TLE6: variants seen among roughly 807,000 people sequenced by gnomAD.
The protein encoded by TLE6 is TLE family member 6, subcortical maternal complex member.
Under a neutral mutation model 77.1 loss-of-function variants are expected in TLE6, and 72 were observed. The ratio of observed to expected loss-of-function variants is 0.93; its 90% CI spans 0.77 to 1.14. The LOEUF (loss-of-function observed/expected upper bound fraction) is 1.14, where lower values mean the gene tolerates loss of function less well. TLE6 is among the 50% of genes most tolerant of loss of function. The pLI is 0.00. For synonymous variants in TLE6, 366 were observed against 287.3 expected (o/e 1.27, Z -2.77); for missense variants, 843 against 747.6 (o/e 1.13, Z -1.49).
At chr19:2,992,275 C>G (rs868511607) in intron 14 of TLE6, among the ~76,000 whole-genome samples, 1 of 152,002 alleles carries the variant, frequency 6.6e-6, no homozygotes, top group African/African-American at 2.4e-5. Context: ...GAGTTCAAGA[C>G]GAGCCTGACC....
At chr19:2,985,965 T>G (rs2088899561) in intron 5 of TLE6, among the ~76,000 whole-genome samples, 1 of 147,048 alleles carries the variant, frequency 6.8e-6, no homozygotes, top group Non-Finnish European at 1.5e-5. Context: ...ATCCAGCTAC[T>G]TGGGAGGCTG....
Position 2,991,940 on chromosome 19 carries a change from C to CT in TLE6, c.1342_1343insT (p.Gln448LeufsTer94). On this transcript the variant is annotated frameshift_variant, in exon 14 of 17. Transcript: ENST00000246112. LOFTEE classifies it high-confidence loss of function. ...GGATGCCTGTCTGCGGTGCTGGGAC[C>CT]AGAGGACCATCATGAAACCTCTGGA... 1 of 1,613,890 alleles carries CT rather than the reference C, an allele frequency of 6.2e-7. No individual in the cohort carries two copies. Among genetic ancestry groups the CT allele is most frequent in the Non-Finnish European group, 8.5e-7 (1 of 1,180,004 alleles).
At position 2,978,286 on chromosome 19, in the gene TLE6, T is replaced by A; in HGVS notation, c.51+2T>A. On this transcript the variant is annotated splice_donor_variant, in intron 2 of 16. Coordinates refer to ENST00000246112, the MANE Select transcript of TLE6 (RefSeq NM_001143986.2). LOFTEE classifies it high-confidence loss of function. Reference sequence around the variant, plus strand: ...AAGGGCCCCCCGAAAAGCACTTCGGTGAGGAGGGCATGTGGTGGGATCAGC... The same window carrying A: ...AAGGGCCCCCCGAAAAGCACTTCGGAGAGGAGGGCATGTGGTGGGATCAGC... 1 of 1,551,118 alleles carries A rather than the reference T, an allele frequency of 6.4e-7. No homozygotes were observed. Among genetic ancestry groups the A allele is most frequent in the Non-Finnish European group, 8.7e-7 (1 of 1,146,886 alleles).
chr19:2,992,793 A>AACGGGT (rs1487334518), intron 14 of TLE6, among the ~76,000 whole-genome samples: 1 of 19,760 alleles, frequency 5.1e-5, no homozygotes, highest in South Asian at 2.6e-3. Flanking sequence ...AAAAAAAAAA[A>AACGGGT]GGGGGGGAGG....
rs1232263287 is a variant in TLE6, at chr19:2,987,811, C to A, written c.625+21C>A. ...CTCCAGTAATCCCAGCGGGCAGGGG[C>A]CGACCGACTCCAGGCGGGATGGGGT... On this transcript the variant is annotated intron_variant, in intron 9 of 16. Coordinates refer to ENST00000246112, the MANE Select transcript of TLE6 (RefSeq NM_001143986.2). The A allele has an allele frequency of 4.3e-6, 7 of 1,614,086 alleles. No homozygotes were observed. In the South Asian group the frequency reaches 6.6e-5, roughly 15 times the overall value.
chr19:2,988,413 G>A (rs2088965865), intron 11 of TLE6, among the ~76,000 whole-genome samples: 3 of 152,116 alleles, frequency 2.0e-5, no homozygotes, highest in African/African-American at 4.8e-5. Context: ...TGGGTAACAC[G>A]GTGAAACCCC....
intron 5 of TLE6, among the ~76,000 whole-genome samples, chr19:2,982,402 G>A (rs1009005555): frequency 6.6e-6 from 1 of 152,132 alleles, no homozygotes; most frequent in East Asian, 1.9e-4. Context: ...GCCAGGCGTG[G>A]TGGCGGGCGC....
intron 3 of TLE6, among the ~76,000 whole-genome samples, chr19:2,980,758 A>G (rs2088781915): frequency 6.7e-6 from 1 of 149,114 alleles, no homozygotes; most frequent in African/African-American, 2.5e-5. Context: ...AAAAAAAAAA[A>G]GTACTGCATG....
intron 2 of TLE6, among the ~76,000 whole-genome samples, chr19:2,979,543 G>T (rs913068710): frequency 1.3e-5 from 2 of 151,848 alleles, no homozygotes; most frequent in Non-Finnish European, 2.9e-5. Flanking sequence ...CACCTTGCCC[G>T]GACTTTTATT....
chr19:2,989,732 C>T lies in TLE6; in HGVS notation c.1191C>T (p.Ser397=). The change falls in exon 13 of 17, where the codon AGC becomes AGT. Residue 397 remains serine (S), a synonymous_variant. Transcript: ENST00000246112. ...ANLDANLAFA[S]FTSGVVRIWD... The stretch of plus-strand genomic sequence containing the variant: ...TGGATGCCAACCTGGCCTTCGCCAG[C>T]TTCACCAGTGGTGTGGTCAGGATCT... The T allele has an allele frequency of 1.2e-6, 2 of 1,614,234 alleles. No homozygotes were observed. The highest frequency in any genetic ancestry group is 2.2e-5 in the South Asian group (2 of 91,084).
chr19:2,991,957 A>T lies in TLE6; in HGVS notation c.1359A>T (p.Lys453Asn), dbSNP rs1301281034. 1.2e-6 allele frequency: 2 copies of T among 1,612,932 alleles called. No homozygotes were observed. Among genetic ancestry groups the T allele is most frequent in the Admixed American group, 3.3e-5 (2 of 59,852 alleles). ...GCTGGGACCAGAGGACCATCATGAA[A>T]CCTCTGGAGTACCAATTCAAGTCTC... ...LRCWDQRTIM[K>N]PLEYQFKSQI... Residue 453 changes from lysine (K) to asparagine (N), a missense_variant, in exon 14 of 17, where the codon AAA becomes AAT. Transcript: ENST00000246112.
intron 12 of TLE6, 89 bp from the exon 13 acceptor site, chr19:2,989,446 G>A: frequency 6.4e-7 from 1 of 1,569,086 alleles, no homozygotes; most frequent in South Asian, 1.2e-5. Flanking sequence ...GAACCTAAAG[G>A]ATGAATAGGA....
Position 2,994,949 on chromosome 19 carries a change from G to C in TLE6, c.1664G>C (p.Arg555Pro). The C allele has an allele frequency of 6.2e-7, 1 of 1,608,760 alleles. No individual in the cohort carries two copies. Among genetic ancestry groups the C allele is most frequent in the Non-Finnish European group, 8.5e-7 (1 of 1,177,982 alleles). The change falls in exon 17 of 17, where the codon CGC (arginine) becomes CCC (proline). Residue 555 changes from arginine to proline, a missense_variant. Coordinates refer to ENST00000246112, the MANE Select transcript of TLE6 (RefSeq NM_001143986.2). Reference sequence around the variant, plus strand: ...TGCTGTGACGTCTCTTCCAACAACCGCCTCGTTGTCACAGGCTCCGGGGAG... The same window carrying C: ...TGCTGTGACGTCTCTTCCAACAACCCCCTCGTTGTCACAGGCTCCGGGGAG... ...VTCCDVSSNN[R>P]LVVTGSGEHA...
chr19:2,979,830 C>T (rs1454537031), intron 2 of TLE6, among the ~76,000 whole-genome samples: 1 of 145,866 alleles, frequency 6.9e-6, no homozygotes, highest in African/African-American at 2.5e-5. Flanking sequence ...GGGAGGGGGG[C>T]GCGGGCGCAT....
intron 11 of TLE6, among the ~76,000 whole-genome samples, chr19:2,988,555 G>T (rs1237207917): frequency 6.6e-6 from 1 of 151,976 alleles, no homozygotes; most frequent in Non-Finnish European, 1.5e-5. Flanking sequence ...TTGAGATCGC[G>T]CCACTGCACT....
rs1599156502 is a variant in TLE6, at chr19:2,984,795, C to T, written c.223-2034C>T. 2.6e-5 allele frequency among the ~76,000 whole-genome samples: 4 copies of T among 152,170 alleles called. No homozygotes were observed. In the South Asian group the frequency reaches 8.3e-4, roughly 32 times the overall value. ...TTTCTTTATACTTTGAACATGGCTA[C>T]TAGACATTCCATATGCATGACTATA... On this transcript the variant is annotated intron_variant, in intron 5 of 16. Transcript: ENST00000246112.
intron 14 of TLE6, among the ~76,000 whole-genome samples, chr19:2,992,898 T>C (rs1476533983): frequency 1.4e-5 from 2 of 147,802 alleles, no homozygotes; most frequent in Non-Finnish European, 3.0e-5. Flanking sequence ...ATTAGAAATA[T>C]TCTTTGCAGG....
At chr19:2,992,505 G>A (rs997918650) in intron 14 of TLE6, among the ~76,000 whole-genome samples, 2 of 151,738 alleles carry the variant, frequency 1.3e-5, no homozygotes, top group Non-Finnish European at 2.9e-5. Flanking sequence ...GCACAGTGGC[G>A]TATGCCTGCA....
chr19:2,994,642 TTAAAAA>T (rs1289991742), intron 16 of TLE6, among the ~76,000 whole-genome samples: 3 of 150,222 alleles, frequency 2.0e-5, no homozygotes, highest in East Asian at 3.9e-4. Flanking sequence ...ACTTTTAAAA[TTAAAAA>T]TAATAATTAG....
Sources: allele counts gnomAD v4.1 joint callset (sites outside exome capture counted in the v4.1 genomes callset), GRCh38; gene constraint gnomAD v4.1.1; transcripts MANE v1.5; gene names NCBI Gene and HGNC (gene_info 2026-07-23, HGNC 2026-07-21).